The following RANBP2 variants were observed in gnomAD, a reference collection of about 807,000 sequenced individuals.
The protein encoded by RANBP2 is RAN binding protein 2.
A neutral mutation model predicts 303.6 loss-of-function variants in RANBP2; 57 were observed. The observed-to-expected ratio is 0.19, with a 90% CI of 0.15 to 0.23. RANBP2 has a LOEUF of 0.23. Among genes scored for constraint, RANBP2 ranks in the 10% least tolerant of loss-of-function variants. RANBP2 has a pLI of 1.00. For synonymous variants in RANBP2, 1,167 were observed against 1,301.5 expected (o/e 0.90, Z 2.23); for missense variants, 3,138 against 3,780.8 (o/e 0.83, Z 4.46).
At chr2:109,153,635 T>G in the RANBP2 span, among the ~76,000 whole-genome samples, 2 of 152,248 alleles carry the variant, frequency 1.3e-5, no homozygotes, top group South Asian at 4.1e-4. Context: ...TGTGGCATAG[T>G]AAAACATGAG....
At chr2:109,234,554 T>C in the RANBP2 span, among the ~76,000 whole-genome samples, 1 of 152,258 alleles carries the variant, frequency 6.6e-6, no homozygotes, top group Non-Finnish European at 1.5e-5. Flanking sequence ...TAGGCTCTGT[T>C]GTGCTGCAGT....
the RANBP2 span, among the ~76,000 whole-genome samples, chr2:109,431,404 C>T: frequency 1.5e-3 from 235 of 152,314 alleles, 1 homozygote; most frequent in African/African-American, 5.5e-3. Context: ...TCAAAACCAA[C>T]CTTCCCCAAA....
the RANBP2 span, among the ~76,000 whole-genome samples, chr2:109,180,514 C>T: frequency 6.6e-6 from 1 of 152,152 alleles, no homozygotes; most frequent in Admixed American, 6.5e-5. Flanking sequence ...GAATTGTACT[C>T]TCATAATTCC....
chr2:108,991,594 C>A, the RANBP2 span, among the ~76,000 whole-genome samples: 2 of 152,348 alleles, frequency 1.3e-5, no homozygotes, highest in African/African-American at 4.8e-5. Context: ...TGCTCAAATG[C>A]ATGGCCAGGA....
chr2:109,595,233 G>A, the RANBP2 span, among the ~76,000 whole-genome samples: 368 of 152,254 alleles, frequency 2.4e-3, 3 homozygotes, highest in South Asian at 7.2e-3. Flanking sequence ...AATGACACTT[G>A]TCAGTTGGAA....
the RANBP2 span, among the ~76,000 whole-genome samples, chr2:109,254,962 A>G: frequency 1.1e-4 from 16 of 152,168 alleles, no homozygotes; most frequent in African/African-American, 2.9e-4. Flanking sequence ...TTGAACACCT[A>G]TGTGGGGCTC....
the RANBP2 span, among the ~76,000 whole-genome samples, chr2:109,192,266 G>C: frequency 6.6e-6 from 1 of 152,162 alleles, no homozygotes; most frequent in East Asian, 1.9e-4. Context: ...TGCAGCTCAT[G>C]GGATGTTTGG....
In RANBP2 at chr2:108,767,258, G is replaced by A. The variant is rs1677182269; in HGVS notation, c.6719G>A (p.Ser2240Asn). ...GATGCTTTGGATGATAGTGTCAGTA[G>A]TAGCTCAGTACATGCTTCTCCATTG... The part of the protein sequence containing the change: ...REDALDDSVS[S>N]SSVHASPLAS... The change falls in exon 20 of 29, where the codon AGT becomes AAT. Residue 2240 changes from serine (S) to asparagine (N), a missense_variant. This residue lies in a region of RANBP2 where 72 missense variants were observed against 86.8 expected (regional missense o/e 0.83). Transcript: ENST00000283195. 1.9e-6 allele frequency: 3 copies of A among 1,612,064 alleles called. No homozygotes were observed. Among genetic ancestry groups the A allele is most frequent in the African/African-American group, 1.3e-5 (1 of 74,994 alleles).
At chr2:108,956,532 T>C in the RANBP2 span, among the ~76,000 whole-genome samples, 1 of 152,230 alleles carries the variant, frequency 6.6e-6, no homozygotes, top group Admixed American at 6.5e-5. Flanking sequence ...AAACTACACA[T>C]GGCATTGAAA....
chr2:109,327,311 C>A, the RANBP2 span, among the ~76,000 whole-genome samples: 3 of 152,222 alleles, frequency 2.0e-5, no homozygotes, highest in Admixed American at 6.5e-5. Flanking sequence ...CCTTTCCCTG[C>A]CGCTGGTAAA....
the RANBP2 span, among the ~76,000 whole-genome samples, chr2:109,069,690 G>T: frequency 6.6e-6 from 1 of 152,224 alleles, no homozygotes; most frequent in Non-Finnish European, 1.5e-5. Flanking sequence ...GATAACAGAT[G>T]AATGTAAATA....
chr2:109,627,061 G>T, the RANBP2 span, among the ~76,000 whole-genome samples: 1 of 152,090 alleles, frequency 6.6e-6, no homozygotes, highest in Non-Finnish European at 1.5e-5. Flanking sequence ...CAAGCTACTT[G>T]GGAGGCTGAG....
At chr2:109,349,423 C>T in the RANBP2 span, among the ~76,000 whole-genome samples, 1 of 152,156 alleles carries the variant, frequency 6.6e-6, no homozygotes, top group Non-Finnish European at 1.5e-5. Context: ...CCCACTCAGT[C>T]GGAGGGCGAG....
the RANBP2 span, among the ~76,000 whole-genome samples, chr2:109,286,702 G>A: frequency 2.0e-5 from 3 of 152,172 alleles, no homozygotes; most frequent in African/African-American, 4.8e-5. Flanking sequence ...AGCAAAACCT[G>A]CTTTGAGCTA....
chr2:109,683,143 T>C, the RANBP2 span, among the ~76,000 whole-genome samples: 1 of 152,136 alleles, frequency 6.6e-6, no homozygotes, highest in African/African-American at 2.4e-5. Flanking sequence ...GTAGCTACGA[T>C]TACAGGTGCC....
chr2:108,732,031 C>A (rs1695205182), intron 4 of RANBP2: 1 of 151,708 alleles, frequency 6.6e-6, no homozygotes, highest in Non-Finnish European at 1.5e-5. Flanking sequence ...AGTAACTGTT[C>A]TGGAGAAAAT....
At chr2:109,164,731 A>C in the RANBP2 span, among the ~76,000 whole-genome samples, 1 of 152,212 alleles carries the variant, frequency 6.6e-6, no homozygotes, top group Non-Finnish European at 1.5e-5. Flanking sequence ...CCAATGTGAT[A>C]TCACCTGGCT....
At chr2:109,206,642 C>G in the RANBP2 span, among the ~76,000 whole-genome samples, 3 of 151,704 alleles carry the variant, frequency 2.0e-5, no homozygotes, top group African/African-American at 7.3e-5. Context: ...GACCCTGTCT[C>G]TACAAAAAAA....
At chr2:109,616,234 G>A in the RANBP2 span, 20 of 1,124,602 alleles carry the variant, frequency 1.8e-5, no homozygotes, top group African/African-American at 4.9e-5. Context: ...TGGGAAAAGT[G>A]GATGTCTTTT....
Sources: allele counts gnomAD v4.1 joint callset (sites outside exome capture counted in the v4.1 genomes callset), GRCh38; gene constraint gnomAD v4.1.1; regional missense constraint gnomAD v4.1.1; transcripts MANE v1.5; gene names NCBI Gene and HGNC (gene_info 2026-07-23, HGNC 2026-07-21).